Variants in SMC5 observed in about 807,000 individuals in gnomAD.
SMC5 encodes structural maintenance of chromosomes 5, also known as structural maintenance of chromosomes protein 5.
Under a neutral mutation model 148.3 loss-of-function variants are expected in SMC5, and 88 were observed. The observed-to-expected ratio is 0.59, with a 90% CI of 0.50 to 0.71. The LOEUF is 0.71. SMC5 is among the 30% of genes least tolerant of loss of function. The pLI is 0.00. For synonymous variants in SMC5, 421 were observed against 432.8 expected (o/e 0.97, Z 0.34); for missense variants, 1,142 against 1,298.9 (o/e 0.88, Z 1.86).
intron 17 of SMC5, among the ~76,000 whole-genome samples, chr9:70,336,522 C>T (rs1315981920): frequency 6.6e-6 from 1 of 152,092 alleles, no homozygotes; most frequent in Non-Finnish European, 1.5e-5. Flanking sequence ...AATAGGTAGT[C>T]GGTGTCCAGC....
In SMC5 at chr9:70,346,590, A is replaced by T. The variant is rs1159959304; in HGVS notation, c.2524-15A>T. ...TCAATGCCCCACATATTCTGGACCC[A>T]TTCTACCAATTCAGCAAGTACCCAC... On this transcript the variant is annotated splice_polypyrimidine_tract_variant and intron_variant, in intron 18 of 24. Transcript: ENST00000361138. 4.3e-6 allele frequency: 7 copies of T among 1,613,682 alleles called. No homozygotes were observed. The highest frequency in any genetic ancestry group is 5.9e-6 in the Non-Finnish European group (7 of 1,179,740).
intron 10 of SMC5, among the ~76,000 whole-genome samples, chr9:70,304,619 A>G (rs1035631196): frequency 6.6e-6 from 1 of 152,158 alleles, no homozygotes; most frequent in Non-Finnish European, 1.5e-5. Context: ...CCCGGGAGGC[A>G]GAGGTTGCAG....
chr9:70,352,358 AT>A lies in SMC5; in HGVS notation c.*35del. 1.3e-5 allele frequency: 21 copies of A among 1,564,958 alleles called. No homozygotes were observed. Among genetic ancestry groups the A allele is most frequent in the South Asian group, 2.4e-5 (2 of 83,506 alleles). ...AAAAGTAAAGAGAGGGAACTTGGGA[AT>A]TTTTTTTGTTAAATTCTGTTTATAA... On this transcript the variant is annotated 3_prime_UTR_variant, in exon 25 of 25. Coordinates refer to ENST00000361138, the MANE Select transcript of SMC5 (RefSeq NM_015110.4).
intron 1 of SMC5, among the ~76,000 whole-genome samples, chr9:70,261,025 C>G (rs1438817519): frequency 6.6e-6 from 1 of 152,140 alleles, no homozygotes; most frequent in Non-Finnish European, 1.5e-5. Context: ...AGACATGAGC[C>G]ACTGCACCCG....
intron 11 of SMC5, among the ~76,000 whole-genome samples, chr9:70,314,331 C>CT (rs1282431977): frequency 6.6e-6 from 1 of 152,176 alleles, no homozygotes; most frequent in Non-Finnish European, 1.5e-5. Flanking sequence ...TGTCAACTCC[C>CT]TTCCAACTTC....
intron 8 of SMC5, among the ~76,000 whole-genome samples, chr9:70,288,898 A>G (rs1272801750): frequency 6.6e-6 from 1 of 152,112 alleles, no homozygotes; most frequent in Non-Finnish European, 1.5e-5. Flanking sequence ...CATGTATTTG[A>G]AAAGAATGTG....
chr9:70,338,564 A>T (rs2036427711), intron 17 of SMC5, among the ~76,000 whole-genome samples: 1 of 152,172 alleles, frequency 6.6e-6, no homozygotes, highest in Admixed American at 6.5e-5. Context: ...TGCTGCAGAA[A>T]TCTACAGCTT....
At chr9:70,315,385 C>A in intron 12 of SMC5, 61 bp from the exon 13 acceptor site, 2 of 1,252,932 alleles carry the variant, frequency 1.6e-6, no homozygotes, top group Non-Finnish European at 2.2e-6. Context: ...GGCTTATCAA[C>A]TCCCAGATTT....
chr9:70,335,606 A>T (rs1250101653), intron 17 of SMC5, among the ~76,000 whole-genome samples: 1 of 152,240 alleles, frequency 6.6e-6, no homozygotes, highest in Admixed American at 6.5e-5. Flanking sequence ...ACTGATGCAC[A>T]CATAAATGAA....
intron 15 of SMC5, 63 bp downstream of exon 15, chr9:70,319,026 C>A: frequency 7.2e-7 from 1 of 1,388,884 alleles, no homozygotes; most frequent in Non-Finnish European, 9.7e-7. Flanking sequence ...ATTAATTATA[C>A]ACTGTAATAA....
chr9:70,346,524 C>T, intron 18 of SMC5, 81 bp from the exon 19 acceptor site: 1 of 1,366,678 alleles, frequency 7.3e-7, no homozygotes, highest in Non-Finnish European at 1.0e-6. Context: ...TTTTTTAGTT[C>T]TTCATAAGTG....
Position 70,333,641 on chromosome 9 carries a change from G to T in SMC5, c.2397+9498G>T, listed in dbSNP as rs138783867. ...AGCTACTCGGGAGGCTGAGACAGGA[G>T]GATCACTTGAACCCAGAAGGCAGAG... On this transcript the variant is annotated intron_variant, in intron 17 of 24. Transcript: ENST00000361138. Among the ~76,000 whole-genome samples the T allele has an allele frequency of 6.8e-3, 1,035 of 152,296 alleles. 8 individuals are homozygous for T. Among genetic ancestry groups the T allele is most frequent in the African/African-American group, 0.024 (988 of 41,562 alleles).
rs2036830997 is a variant in SMC5 at position 70,352,649 on chromosome 9, T to G, written c.*318T>G. On this transcript the variant is annotated 3_prime_UTR_variant, in exon 25 of 25. Coordinates refer to ENST00000361138, the MANE Select transcript of SMC5 (RefSeq NM_015110.4). ...TGGAAGAAGGGTTAATCACAAGAAG[T>G]TACTTATATGGTAGCCCTGAGCTTT... The G allele has an allele frequency of 4.8e-6, 1 of 209,458 alleles. No individual in the cohort carries two copies. The highest frequency in any genetic ancestry group is 5.3e-5 in the Admixed American group (1 of 19,030). The allele number at this position is 209,458 out of a possible 1,614,324, so 13.0% of individuals were successfully genotyped here.
intron 17 of SMC5, among the ~76,000 whole-genome samples, chr9:70,334,587 T>C (rs2118741660): frequency 6.6e-6 from 1 of 152,262 alleles, no homozygotes. Flanking sequence ...CCCTGTGAGC[T>C]AAGAATAGTT....
At chr9:70,282,837 C>A (rs1280806894) in intron 7 of SMC5, among the ~76,000 whole-genome samples, 1 of 152,022 alleles carries the variant, frequency 6.6e-6, no homozygotes, top group Non-Finnish European at 1.5e-5. Context: ...CAAGAGGATT[C>A]ATAGTGGTAT....
rs2035881236 is a variant in SMC5, at chr9:70,319,037, CA to C, written c.2150+76del. ...GAATATTAATTATACACTGTAATAA[CA>C]ACAGCATTTCCACAAGCACGCTTTG... On this transcript the variant is annotated intron_variant, in intron 15 of 24. Coordinates refer to ENST00000361138, the MANE Select transcript of SMC5 (RefSeq NM_015110.4). 6 of 1,305,078 alleles carry C rather than the reference CA, an allele frequency of 4.6e-6. No homozygotes were observed. The East Asian group carries it at 1.0e-4, about 22-fold the overall frequency. The allele number at this position is 1,305,078 out of a possible 1,614,324, so 80.8% of individuals were successfully genotyped here.
intron 2 of SMC5, among the ~76,000 whole-genome samples, chr9:70,267,590 A>ATAG (rs1229976271): frequency 6.6e-6 from 1 of 152,202 alleles, no homozygotes; most frequent in African/African-American, 2.4e-5. Context: ...GGTGTTTAAT[A>ATAG]TAGTGGACAA....
At chr9:70,307,853 AC>A (rs969961643) in intron 11 of SMC5, among the ~76,000 whole-genome samples, 2 of 152,094 alleles carry the variant, frequency 1.3e-5, no homozygotes, top group African/African-American at 4.8e-5. Flanking sequence ...GGCCAGTGAG[AC>A]CATTTTCAGG....
intron 24 of SMC5, 69 bp from the exon 25 acceptor site, chr9:70,352,122 A>G: frequency 7.5e-7 from 1 of 1,331,502 alleles, no homozygotes; most frequent in East Asian, 2.3e-5. Context: ...TTGACTGTAC[A>G]CATGTAAGGT....
Sources: gnomAD v4.1 joint callset for allele counts (sites outside exome capture counted in the v4.1 genomes callset) on GRCh38, gnomAD v4.1.1 for gene constraint, MANE v1.5 for transcripts, NCBI Gene and HGNC (gene_info 2026-07-23, HGNC 2026-07-21) for gene names.